LRP1B: variants seen among roughly 807,000 people sequenced by gnomAD.
LRP1B encodes the protein LDL receptor related protein 1B.
A neutral mutation model predicts 556.6 loss-of-function variants in LRP1B; 217 were observed. That is an observed-to-expected ratio of 0.39 (90% CI 0.35 to 0.44). The LOEUF is 0.44. Ranked by LOEUF, LRP1B falls within the 20% of genes least tolerant of loss-of-function variation. The pLI is 1.00. For missense variants in LRP1B, 5,053 were observed against 5,620.8 expected, an observed-to-expected ratio of 0.90 and a Z score of 3.23; for synonymous variants, 2,047 against 1,865.8, an observed-to-expected ratio of 1.10 and a Z score of -2.50.
chr2:141,449,838 T>C (rs560301738), intron 3 of LRP1B, among the ~76,000 whole-genome samples: 5 of 152,326 alleles, frequency 3.3e-5, no homozygotes, highest in African/African-American at 1.2e-4. Flanking sequence ...ACTACTGATA[T>C]TTGATACCAG....
chr2:140,450,335 A>G (rs967052571), intron 63 of LRP1B, among the ~76,000 whole-genome samples: 3 of 152,162 alleles, frequency 2.0e-5, no homozygotes. Context: ...AGAAAGAAAC[A>G]AAATCTAACA....
chr2:141,342,106 T>A (rs368351017), intron 3 of LRP1B, among the ~76,000 whole-genome samples: 15 of 148,480 alleles, frequency 1.0e-4, no homozygotes, highest in African/African-American at 3.0e-4. Flanking sequence ...TAGCCAGGAG[T>A]GGTGGTGGGC....
chr2:141,032,811 G>C (rs1351196344), intron 11 of LRP1B, among the ~76,000 whole-genome samples: 2 of 79,118 alleles, frequency 2.5e-5, no homozygotes, highest in Admixed American at 2.4e-4. Flanking sequence ...ATGTGTGTGT[G>C]TATATATATA....
chr2:141,253,770 A>G (rs2105338651), intron 4 of LRP1B, among the ~76,000 whole-genome samples: 1 of 151,722 alleles, frequency 6.6e-6, no homozygotes, highest in African/African-American at 2.4e-5. Flanking sequence ...TCCCCTGAAT[A>G]CACACACACA....
intron 6 of LRP1B, among the ~76,000 whole-genome samples, chr2:141,212,969 C>A (rs1682631684): frequency 6.6e-6 from 1 of 152,130 alleles, no homozygotes; most frequent in Non-Finnish European, 1.5e-5. Flanking sequence ...CAAAACACTT[C>A]TATTCTTTTT....
intron 31 of LRP1B, among the ~76,000 whole-genome samples, chr2:140,839,464 C>T (rs1479804018): frequency 6.6e-6 from 1 of 152,160 alleles, no homozygotes; most frequent in Admixed American, 6.5e-5. Context: ...TAATCAGCTG[C>T]TAGCGTAAAA....
chr2:142,067,210 C>T (rs1406246859), intron 1 of LRP1B, among the ~76,000 whole-genome samples: 1 of 151,414 alleles, frequency 6.6e-6, no homozygotes, highest in Non-Finnish European at 1.5e-5. Context: ...GTCTCTCTAT[C>T]TCAAAATCCT....
At chr2:141,255,827 A>C (rs1684441006) in intron 3 of LRP1B, among the ~76,000 whole-genome samples, 1 of 151,806 alleles carries the variant, frequency 6.6e-6, no homozygotes. Context: ...ACCCAACATC[A>C]TATGTAAAAA....
chr2:141,635,831 C>G (rs1689092874), intron 2 of LRP1B, among the ~76,000 whole-genome samples: 1 of 152,116 alleles, frequency 6.6e-6, no homozygotes, highest in Non-Finnish European at 1.5e-5. Flanking sequence ...TAATAACAAA[C>G]TCAGAAGTGA....
At chr2:141,010,577 C>T (rs990864922) in intron 14 of LRP1B, among the ~76,000 whole-genome samples, 14 of 151,712 alleles carry the variant, frequency 9.2e-5, no homozygotes, top group African/African-American at 3.1e-4. Flanking sequence ...TGCAGTGGAA[C>T]ATTCTCGGCT....
chr2:140,262,945 T>C (rs1482043829), intron 86 of LRP1B, among the ~76,000 whole-genome samples: 2 of 152,162 alleles, frequency 1.3e-5, no homozygotes, highest in Non-Finnish European at 2.9e-5. Context: ...TTGTTTGTTT[T>C]CTTTTTGAGA....
chr2:141,521,256 G>T (rs1684519377), intron 2 of LRP1B, among the ~76,000 whole-genome samples: 1 of 151,950 alleles, frequency 6.6e-6, no homozygotes, highest in South Asian at 2.1e-4. Context: ...TAATGAAAAG[G>T]CTTTCAGAAA....
chr2:140,312,064 C>T (rs13028936), intron 83 of LRP1B, among the ~76,000 whole-genome samples: 43,777 of 151,382 alleles, frequency 0.29, 7,628 homozygotes, highest in Non-Finnish European at 0.4. Flanking sequence ...TCTTTACTTC[C>T]GGGGGAAAAA....
At chr2:140,862,994 C>G (rs1022683146) in intron 27 of LRP1B, among the ~76,000 whole-genome samples, 5 of 152,216 alleles carry the variant, frequency 3.3e-5, no homozygotes, top group Admixed American at 6.5e-5. Flanking sequence ...CATTATCCAC[C>G]TACCCTTCCT....
chr2:140,446,237 C>T (rs572582734), intron 63 of LRP1B, among the ~76,000 whole-genome samples: 1 of 152,152 alleles, frequency 6.6e-6, no homozygotes, highest in African/African-American at 2.4e-5. Context: ...AACAACCCTC[C>T]ACCAGAAAAA....
At chr2:141,283,156 T>C (rs559320254) in intron 3 of LRP1B, among the ~76,000 whole-genome samples, 1 of 152,116 alleles carries the variant, frequency 6.6e-6, no homozygotes, top group African/African-American at 2.4e-5. Context: ...AAGTAAGTAA[T>C]TACAATATAA....
intron 3 of LRP1B, among the ~76,000 whole-genome samples, chr2:141,265,940 C>T (rs1396053621): frequency 6.6e-6 from 1 of 152,188 alleles, no homozygotes; most frequent in Non-Finnish European, 1.5e-5. Context: ...CCTACCTCTC[C>T]TTTAGTCGGG....
chr2:141,150,041 A>G (rs1184361799), intron 7 of LRP1B, among the ~76,000 whole-genome samples: 2 of 152,096 alleles, frequency 1.3e-5, no homozygotes, highest in Non-Finnish European at 2.9e-5. Context: ...TGAGGACTGA[A>G]TGGGTGTGAG....
chr2:142,000,460 T>A (rs1412548049), intron 1 of LRP1B, among the ~76,000 whole-genome samples: 1 of 152,198 alleles, frequency 6.6e-6, no homozygotes, highest in Non-Finnish European at 1.5e-5. Context: ...TGTTAACATT[T>A]AGAAGAGTAC....
Sources: allele counts gnomAD v4.1 joint callset (sites outside exome capture counted in the v4.1 genomes callset), GRCh38; gene constraint gnomAD v4.1.1; transcripts MANE v1.5; gene names NCBI Gene and HGNC (gene_info 2026-07-23, HGNC 2026-07-21).